Variants in PRKCA observed in about 807,000 individuals in gnomAD.
PRKCA encodes protein kinase C alpha type.
PRKCA carries 27 observed loss-of-function variants against 87.0 expected under a neutral mutation model. The observed-to-expected ratio is 0.31, with a 90% CI of 0.23 to 0.43. PRKCA has a LOEUF of 0.43. Ranked by LOEUF, PRKCA falls within the 20% of genes least tolerant of loss-of-function variation. PRKCA has a pLI of 1.00. For synonymous variants in PRKCA, 329 were observed against 311.1 expected (o/e 1.06, Z -0.61); for missense variants, 518 against 852.3 (o/e 0.61, Z 4.88).
chr17:66,721,247 A>G (rs1199479382), intron 8 of PRKCA, among the ~76,000 whole-genome samples: 3 of 152,002 alleles, frequency 2.0e-5, no homozygotes, highest in Admixed American at 6.6e-5. Flanking sequence ...ATACAAAAAA[A>G]TTAGCCAGGC....
intron 10 of PRKCA, among the ~76,000 whole-genome samples, chr17:66,735,920 CTT>C (rs5821508): frequency 0.082 from 10,036 of 121,946 alleles, 456 homozygotes; most frequent in African/African-American, 0.18. Flanking sequence ...TTCTTTCTTT[CTT>C]TTTTTTTTTT....
At chr17:66,350,588 T>C (rs761099619) in intron 2 of PRKCA, among the ~76,000 whole-genome samples, 2 of 152,202 alleles carry the variant, frequency 1.3e-5, no homozygotes, top group Non-Finnish European at 2.9e-5. Flanking sequence ...AGTGGCACCG[T>C]CGTGGCTCAC....
chr17:66,538,901 T>C (rs562021648), intron 3 of PRKCA, among the ~76,000 whole-genome samples: 5 of 152,338 alleles, frequency 3.3e-5, no homozygotes, highest in African/African-American at 1.2e-4. Flanking sequence ...TCGCCATTTC[T>C]GCTGACCACA....
intron 5 of PRKCA, among the ~76,000 whole-genome samples, chr17:66,646,111 G>C (rs1407934967): frequency 6.6e-6 from 1 of 152,164 alleles, no homozygotes; most frequent in Non-Finnish European, 1.5e-5. Flanking sequence ...GTTACAGTTA[G>C]TGAGGAGCTG....
rs188618110 is a variant in PRKCA, at chr17:66,682,042, C to T, written c.530-5069C>T. Among the ~76,000 whole-genome samples, 8 of 152,192 alleles carry T rather than the reference C, an allele frequency of 5.3e-5. No individual in the cohort carries two copies. The East Asian group carries it at 5.8e-4, about 11-fold the overall frequency. ...CTTAGATTCTCCAATCCGGCTAGGG[C>T]GGCCCAGTCCTGCGAGCTGAGGAGC... is the stretch of plus-strand genomic sequence containing the variant. On this transcript the variant is annotated intron_variant, in intron 5 of 16. Coordinates refer to ENST00000413366, the MANE Select transcript of PRKCA (RefSeq NM_002737.3).
intron 3 of PRKCA, among the ~76,000 whole-genome samples, chr17:66,581,686 AG>A (rs1265365329): frequency 6.6e-6 from 1 of 152,136 alleles, no homozygotes; most frequent in Non-Finnish European, 1.5e-5. Context: ...CGTTTTAGCC[AG>A]GATGGTCTCA....
intron 2 of PRKCA, among the ~76,000 whole-genome samples, chr17:66,460,147 G>A (rs889694806): frequency 1.3e-5 from 2 of 152,146 alleles, no homozygotes; most frequent in Non-Finnish European, 2.9e-5. Context: ...CTGGGCATTT[G>A]TAACTTCAAT....
chr17:66,636,149 A>C (rs1402490793), intron 3 of PRKCA, among the ~76,000 whole-genome samples: 1 of 152,160 alleles, frequency 6.6e-6, no homozygotes, highest in African/African-American at 2.4e-5. Flanking sequence ...CACAGAAGTA[A>C]AATGCATCAC....
At chr17:66,522,460 G>C (rs953135109) in intron 3 of PRKCA, among the ~76,000 whole-genome samples, 1 of 152,132 alleles carries the variant, frequency 6.6e-6, no homozygotes, top group Non-Finnish European at 1.5e-5. Context: ...GACAGTAATC[G>C]AAGTAGGAGC....
At chr17:66,593,948 G>C (rs1969890947) in intron 3 of PRKCA, among the ~76,000 whole-genome samples, 1 of 152,196 alleles carries the variant, frequency 6.6e-6, no homozygotes, top group Non-Finnish European at 1.5e-5. Flanking sequence ...AGCCAGGCAT[G>C]GTGGCGGCTG....
chr17:66,333,905 C>T (rs1906503002), intron 2 of PRKCA, among the ~76,000 whole-genome samples: 1 of 152,150 alleles, frequency 6.6e-6, no homozygotes, highest in Admixed American at 6.5e-5. Flanking sequence ...TTATACTAGT[C>T]TTGTGTTCTT....
chr17:66,793,283 C>G (rs1975583001), intron 16 of PRKCA, among the ~76,000 whole-genome samples: 1 of 152,014 alleles, frequency 6.6e-6, no homozygotes, highest in South Asian at 2.1e-4. Flanking sequence ...AACAACAAAC[C>G]CGAGTCATCA....
chr17:66,395,640 T>C (rs1910621367), intron 2 of PRKCA, among the ~76,000 whole-genome samples: 1 of 152,220 alleles, frequency 6.6e-6, no homozygotes, highest in African/African-American at 2.4e-5. Context: ...TTCCTACCAC[T>C]GATCTATGTT....
intron 8 of PRKCA, among the ~76,000 whole-genome samples, chr17:66,729,105 T>G (rs916365215): frequency 6.6e-6 from 1 of 152,182 alleles, no homozygotes; most frequent in Non-Finnish European, 1.5e-5. Context: ...ACTTCCTATG[T>G]ATTCTTTTAA....
At chr17:66,715,774 G>A (rs182967335) in intron 8 of PRKCA, among the ~76,000 whole-genome samples, 1 of 152,028 alleles carries the variant, frequency 6.6e-6, no homozygotes, top group Non-Finnish European at 1.5e-5. Flanking sequence ...TTTGTGTCTT[G>A]TTTGTGCCAT....
At chr17:66,620,425 CAGGAAAATGCAACTTT>C (rs1970643349) in intron 3 of PRKCA, among the ~76,000 whole-genome samples, 2 of 152,180 alleles carry the variant, frequency 1.3e-5, no homozygotes, top group Non-Finnish European at 2.9e-5. Flanking sequence ...GCACCTATAA[CAGGAAAATGCAACTTT>C]TCTAGAAGTG....
intron 13 of PRKCA, among the ~76,000 whole-genome samples, chr17:66,743,785 C>T (rs180985380): frequency 2.4e-3 from 361 of 152,250 alleles, no homozygotes; most frequent in Admixed American, 3.9e-3. Flanking sequence ...CAGCCGGTCT[C>T]ACATTTATTC....
At chr17:66,688,458 A>C (rs777196084) in intron 7 of PRKCA, 22 bp downstream of exon 7, 1 of 1,613,764 alleles carries the variant, frequency 6.2e-7, no homozygotes, top group Non-Finnish European at 8.5e-7. Context: ...GCTTAGGTTG[A>C]GTATGTCTCA....
rs541482766 is a variant in PRKCA, at chr17:66,736,687, G to A, written c.1230+1025G>A. Among the ~76,000 whole-genome samples the A allele has an allele frequency of 4.6e-4, 70 of 152,274 alleles. 1 individual carries two copies. The highest frequency in any genetic ancestry group is 3.4e-3 in the Middle Eastern group (1 of 294). On this transcript the variant is annotated intron_variant, in intron 10 of 16. Transcript: ENST00000413366. ...GTTCTTGTTCAATGCCACACAACAGGGACTGGCAAACTGTGGCCTATTCTC... is the reference window on the plus strand; with the variant it reads ...GTTCTTGTTCAATGCCACACAACAGAGACTGGCAAACTGTGGCCTATTCTC...
Sources: gnomAD v4.1 joint callset for allele counts (sites outside exome capture counted in the v4.1 genomes callset) on GRCh38, gnomAD v4.1.1 for gene constraint, MANE v1.5 for transcripts, NCBI Gene and HGNC (gene_info 2026-07-23, HGNC 2026-07-21) for gene names.